The following TMEM52B variants were observed in gnomAD, a reference collection of about 807,000 sequenced individuals.
TMEM52B encodes chromosome 12 open reading frame 59.
TMEM52B carries 11 observed loss-of-function variants against 16.1 expected under a neutral mutation model. The ratio of observed to expected loss-of-function variants is 0.68; its 90% CI spans 0.43 to 1.13. The LOEUF (loss-of-function observed/expected upper bound fraction) is 1.13, where lower values mean the gene tolerates loss of function less well. Ranked by LOEUF, TMEM52B falls within the 50% of genes most tolerant of loss-of-function variation. The pLI is 0.00. For missense variants in TMEM52B, 243 were observed against 230.4 expected (o/e 1.05, Z -0.35); for synonymous variants, 101 against 93.8 (o/e 1.08, Z -0.45).
chr12:10,186,535 G>C lies in TMEM52B; in HGVS notation c.253G>C (p.Glu85Gln). ...GGAAGATGGGGGCCCACCACCCTGT[G>C]AAGTGACCGTCATTGCTTTCGATCA... is the stretch of plus-strand genomic sequence containing the variant. ...NGEDGGPPPCEVTVIAFDHDS... is the reference protein window; with the variant it reads ...NGEDGGPPPCQVTVIAFDHDS... The change falls in exon 4 of 5, where the codon GAA becomes CAA. Residue 85 changes from glutamate (E) to glutamine (Q), a missense_variant. Physicochemically the swap from Glu to Gln is conservative, Grantham distance 29 (BLOSUM62 2). Coordinates refer to ENST00000543484, the MANE Select transcript of TMEM52B (RefSeq NM_001384896.1). The C allele has an allele frequency of 1.2e-6, 2 of 1,609,204 alleles. No individual in the cohort carries two copies. Among genetic ancestry groups the C allele is most frequent in the Non-Finnish European group, 1.7e-6 (2 of 1,176,296 alleles).
chr12:10,184,173 G>C (rs1018915795), intron 2 of TMEM52B, among the ~76,000 whole-genome samples: 2 of 152,190 alleles, frequency 1.3e-5, no homozygotes, highest in African/African-American at 4.8e-5. Flanking sequence ...ACAGGCAGTG[G>C]TTTCTGAAGG....
In TMEM52B at chr12:10,179,339, A is replaced by G; in HGVS notation, c.-236A>G. ...AGGAAGTAAATGTGGAGGCCATAGA[A>G]ATAGTAATAAGAATAAAGAAGAAAA... On this transcript the variant is annotated 5_prime_UTR_variant, in exon 1 of 5. Coordinates refer to ENST00000543484, the MANE Select transcript of TMEM52B (RefSeq NM_001384896.1). The G allele has an allele frequency of 1.9e-6, 1 of 536,922 alleles. No individual in the cohort carries two copies. The highest frequency in any genetic ancestry group is 3.4e-6 in the Non-Finnish European group (1 of 298,266). 33.3% of individuals were successfully genotyped at this position (536,922 alleles called of 1,614,324 possible).
Position 10,190,025 on chromosome 12 carries a change from G to A in TMEM52B, c.437G>A (p.Arg146His), listed in dbSNP as rs542201515. The A allele has an allele frequency of 2.0e-4, 324 of 1,614,108 alleles. 7 individuals are homozygous for A. In the South Asian group the frequency reaches 3.2e-3, roughly 16 times the overall value. Residue 146 changes from arginine to histidine, a missense_variant, in exon 5 of 5, where the codon CGC becomes CAC. Coordinates refer to ENST00000543484, the MANE Select transcript of TMEM52B (RefSeq NM_001384896.1). ...TATGAAGAAGCTCTTCACATGAGTC[G>A]CTTCACAGTAGCCATGTGCGGGCAG... ...PGYEEALHMS[R>H]FTVAMCGQKA...
intron 1 of TMEM52B, chr12:10,182,076 T>C: frequency 1.0e-6 from 1 of 955,926 alleles, no homozygotes; most frequent in Non-Finnish European, 1.2e-6. Flanking sequence ...CTGAGTGGCA[T>C]CTAGTAGCTA....
At chr12:10,173,598 C>T (rs896235154) in intron 1 of TMEM52B, among the ~76,000 whole-genome samples, 5 of 151,450 alleles carry the variant, frequency 3.3e-5, no homozygotes, top group African/African-American at 4.8e-5. Context: ...CCTGGCCAAC[C>T]TGTTGAAACC....
At position 10,191,557 on chromosome 12, in the gene TMEM52B, G is replaced by A. The variant is rs936708346; in HGVS notation, c.*1417G>A. The A allele has an allele frequency of 6.6e-6, 1 of 152,070 alleles. No individual in the cohort carries two copies. The highest frequency in any genetic ancestry group is 2.4e-5 in the African/African-American group (1 of 41,392). The allele number at this position is 152,070 out of a possible 1,614,324, so 9.4% of individuals were successfully genotyped here. On this transcript the variant is annotated 3_prime_UTR_variant, in exon 5 of 5. Coordinates refer to ENST00000543484, the MANE Select transcript of TMEM52B (RefSeq NM_001384896.1). The stretch of plus-strand genomic sequence containing the variant: ...AAGCCGTTTTTTCCCTAAAAAATGG[G>A]AAATAATAACACCTCAGAAGGTTTT...
intron 2 of TMEM52B, 144 bp downstream of exon 2, chr12:10,182,737 C>T: frequency 3.3e-6 from 3 of 910,632 alleles, no homozygotes; most frequent in South Asian, 4.1e-5. Context: ...TGACTTATCA[C>T]AAAATAAAGA....
chr12:10,175,409 C>T (rs1278392723), upstream of TMEM52B: 1 of 152,126 alleles, frequency 6.6e-6, no homozygotes, highest in Non-Finnish European at 1.5e-5. Context: ...CAGCAGCCAC[C>T]TTGACTGCAG....
upstream of TMEM52B, among the ~76,000 whole-genome samples, chr12:10,177,573 C>A (rs1035562962): frequency 6.6e-6 from 1 of 151,764 alleles, no homozygotes; most frequent in African/African-American, 2.4e-5. Flanking sequence ...TTTCTTATCC[C>A]AGCCTGGCCA....
At chr12:10,176,967 C>G (rs879570872), upstream of TMEM52B, among the ~76,000 whole-genome samples, 3 of 152,134 alleles carry the variant, frequency 2.0e-5, no homozygotes, top group Non-Finnish European at 4.4e-5. Context: ...ATGATGGGTT[C>G]CCTACGTACA....
intron 1 of TMEM52B, among the ~76,000 whole-genome samples, chr12:10,181,897 C>A (rs1368186822): frequency 6.6e-6 from 1 of 150,564 alleles, no homozygotes; most frequent in East Asian, 2.0e-4. Context: ...CGTGGTGGCA[C>A]GTGCCTGTAG....
chr12:10,187,863 C>G (rs962365886), intron 4 of TMEM52B, among the ~76,000 whole-genome samples: 1 of 152,094 alleles, frequency 6.6e-6, no homozygotes, highest in Non-Finnish European at 1.5e-5. Context: ...CTTTGGGAGG[C>G]TGAGGCAGGT....
At chr12:10,186,102 C>CT (rs1948876201) in intron 3 of TMEM52B, among the ~76,000 whole-genome samples, 1 of 151,840 alleles carries the variant, frequency 6.6e-6, no homozygotes, top group African/African-American at 2.4e-5. Context: ...ACTCAGGAGG[C>CT]TGAGATCGTG....
At chr12:10,175,860 G>T (rs1429944648), upstream of TMEM52B, among the ~76,000 whole-genome samples, 1 of 152,214 alleles carries the variant, frequency 6.6e-6, no homozygotes, top group South Asian at 2.1e-4. Flanking sequence ...GAAATCCATA[G>T]TTGGCCACCT....
chr12:10,185,496 T>C, intron 3 of TMEM52B, 128 bp downstream of exon 3: 1 of 718,912 alleles, frequency 1.4e-6, no homozygotes, highest in Non-Finnish European at 2.5e-6. Flanking sequence ...TATGTGACAA[T>C]ATGTCAGGAT....
intron 1 of TMEM52B, chr12:10,172,393 GA>G (rs1358819646): frequency 4.8e-6 from 1 of 206,188 alleles, no homozygotes; most frequent in African/African-American, 2.3e-5. Context: ...ACTCTTCAGA[GA>G]CAGAAACTGA....
chr12:10,182,113 C>T (rs1422316146), intron 1 of TMEM52B: 1 of 984,008 alleles, frequency 1.0e-6, no homozygotes, highest in Non-Finnish European at 1.2e-6. Context: ...CTCTGTCCCA[C>T]TGGCCCCCTC....
In TMEM52B at chr12:10,190,231, A is replaced by C. The variant is rs1948943077; in HGVS notation, c.*91A>C. The stretch of plus-strand genomic sequence containing the variant: ...TACTTTTCTAACCCTCAGAAGTTTT[A>C]AGATGGCATCTAACACCATCATTCT... On this transcript the variant is annotated 3_prime_UTR_variant, in exon 5 of 5. Transcript: ENST00000543484. 1 of 1,521,194 alleles carries C rather than the reference A, an allele frequency of 6.6e-7. No homozygotes were observed. The highest frequency in any genetic ancestry group is 1.8e-5 in the Admixed American group (1 of 55,804). The allele number at this position is 1,521,194 out of a possible 1,614,324, so 94.2% of individuals were successfully genotyped here.
intron 4 of TMEM52B, among the ~76,000 whole-genome samples, chr12:10,189,469 C>T (rs1591993962): frequency 6.6e-6 from 1 of 150,964 alleles, no homozygotes; most frequent in African/African-American, 2.4e-5. Flanking sequence ...ACTAAAAATA[C>T]AAAAATTACC....
Sources: gnomAD v4.1 joint callset for allele counts (sites outside exome capture counted in the v4.1 genomes callset) on GRCh38, gnomAD v4.1.1 for gene constraint, MANE v1.5 for transcripts, NCBI Gene and HGNC (gene_info 2026-07-23, HGNC 2026-07-21) for gene names.